ZNF490: variants seen among roughly 807,000 people sequenced by gnomAD.
ZNF490 encodes zinc finger protein 490.
ZNF490 carries 11 observed loss-of-function variants against 17.7 expected under a neutral mutation model. The observed-to-expected ratio is 0.62, with a 90% CI of 0.39 to 1.03. The LOEUF (loss-of-function observed/expected upper bound fraction) is 1.03. Ranked by LOEUF, ZNF490 falls within the 50% of genes least tolerant of loss-of-function variation. ZNF490 has a pLI of 0.00. For missense variants in ZNF490, 542 were observed against 643.4 expected, an observed-to-expected ratio of 0.84 and a Z score of 1.71; for synonymous variants, 222 against 216.1, an observed-to-expected ratio of 1.03 and a Z score of -0.24.
chr19:12,592,791 G>C (rs1458197595), intron 2 of ZNF490, among the ~76,000 whole-genome samples: 1 of 152,218 alleles, frequency 6.6e-6, no homozygotes, highest in East Asian at 1.9e-4. Flanking sequence ...GATAAACTAT[G>C]TGGAGGCAGA....
intron 2 of ZNF490, among the ~76,000 whole-genome samples, chr19:12,607,778 G>A (rs940142859): frequency 9.9e-5 from 15 of 151,660 alleles, no homozygotes; most frequent in African/African-American, 3.6e-4. Flanking sequence ...CATAGCATCT[G>A]CAGACAGAGA....
At position 12,609,560 on chromosome 19, in the gene ZNF490, A is replaced by T. The variant is rs187060416; in HGVS notation, c.118-358T>A. ...CACCATACCCAGCTAATTTTTAAAA[A>T]TTTTTTGAGAAATGGGGTCTCGCTA... On this transcript the variant is annotated intron_variant, in intron 1 of 4. Transcript: ENST00000311437. 3.3e-5 allele frequency among the ~76,000 whole-genome samples: 5 copies of T among 152,138 alleles called. No homozygotes were observed. In the East Asian group the frequency reaches 5.8e-4, roughly 18 times the overall value.
intron 2 of ZNF490, among the ~76,000 whole-genome samples, chr19:12,594,564 G>T (rs528505958): frequency 6.6e-6 from 1 of 152,092 alleles, no homozygotes; most frequent in Non-Finnish European, 1.5e-5. Context: ...ACAGTGTCTA[G>T]AGCCTCTGTG....
At position 12,581,265 on chromosome 19, in the gene ZNF490, T is replaced by G. The variant is rs1271456779; in HGVS notation, c.810A>C (p.Lys270Asn). The change falls in exon 5 of 5, where the codon AAA (lysine) becomes AAC (asparagine). Residue 270 changes from lysine to asparagine, a missense_variant. Lys to Asn is a moderately conservative substitution (Grantham distance 94). Coordinates refer to ENST00000311437, the MANE Select transcript of ZNF490 (RefSeq NM_020714.3). ...TGTAGGGTTTCTCTCCAGTGTGATT[T>G]TTTTCATGGCGCCGAAGAGCAGTGA... ...RYLTALRRHE[K>N]NHTGEKPYKC... 1 of 1,614,176 alleles carries G rather than the reference T, an allele frequency of 6.2e-7. No homozygotes were observed. The highest frequency in any genetic ancestry group is 1.1e-5 in the South Asian group (1 of 91,088).
In ZNF490 at chr19:12,576,718, G is replaced by A. The variant is rs1247745005; in HGVS notation, c.*3767C>T. ...TATAGTCCCAGCTACTCAGGAGGCT[G>A]AGGCAGGAGAATTGCTTGAACCTGA... On this transcript the variant is annotated 3_prime_UTR_variant, in exon 5 of 5. Coordinates refer to ENST00000311437, the MANE Select transcript of ZNF490 (RefSeq NM_020714.3). Among the ~76,000 whole-genome samples the A allele has an allele frequency of 6.7e-6, 1 of 149,818 alleles. No homozygotes were observed. Among genetic ancestry groups the A allele is most frequent in the African/African-American group, 2.5e-5 (1 of 40,416 alleles).
In ZNF490 at chr19:12,579,090, A is replaced by G. The variant is rs2022685012; in HGVS notation, c.*1395T>C. The G allele has an allele frequency of 3.7e-6, 1 of 270,334 alleles. No individual in the cohort carries two copies. The highest frequency in any genetic ancestry group is 5.7e-6 in the Non-Finnish European group (1 of 176,394). 16.7% of individuals were successfully genotyped at this position (270,334 alleles called of 1,614,324 possible). A position where few individuals can be genotyped will look rare whatever the true frequency, so the allele number is the denominator to read the frequency against. The stretch of plus-strand genomic sequence containing the variant: ...AACACGGTGAAACCCCGTCTCCACT[A>G]AAAATACAAAAAATGAGCCGGGCGT... On this transcript the variant is annotated 3_prime_UTR_variant, in exon 5 of 5. Coordinates refer to ENST00000311437, the MANE Select transcript of ZNF490 (RefSeq NM_020714.3).
intron 2 of ZNF490, among the ~76,000 whole-genome samples, chr19:12,599,414 T>C (rs1376494457): frequency 1.3e-5 from 2 of 152,106 alleles, no homozygotes; most frequent in African/African-American, 2.4e-5. Context: ...AGAAATGTTG[T>C]AGAATTTAAA....
chr19:12,606,343 C>CTT (rs35743660), intron 2 of ZNF490, among the ~76,000 whole-genome samples: 18 of 121,666 alleles, frequency 1.5e-4, no homozygotes, highest in South Asian at 5.4e-4. Context: ...CTGGGTAATT[C>CTT]TTTTTTTTTT....
chr19:12,604,142 C>A (rs1176170146), intron 2 of ZNF490, among the ~76,000 whole-genome samples: 4 of 152,188 alleles, frequency 2.6e-5, no homozygotes, highest in South Asian at 4.1e-4. Context: ...GCTCAGAGAG[C>A]CTTCTGGTTG....
chr19:12,609,594 AG>A (rs1359301306), intron 1 of ZNF490, among the ~76,000 whole-genome samples: 1 of 152,132 alleles, frequency 6.6e-6, no homozygotes. Flanking sequence ...TATGTTGCCC[AG>A]GCTGGTTTTG....
chr19:12,581,381 C>T lies in ZNF490; in HGVS notation c.694G>A (p.Ala232Thr), dbSNP rs143244240. Residue 232 changes from alanine (A) to threonine (T), a missense_variant, in exon 5 of 5, where the codon GCA becomes ACA. By Grantham distance (58) the Ala-to-Thr change is moderately conservative. Transcript: ENST00000311437. Reference sequence around the variant, plus strand: ...TGGTTTCGAAAGGAAAAGAGAAATGCGAAGGCTTTGCCACATTCCTTACAT... The same window carrying T: ...TGGTTTCGAAAGGAAAAGAGAAATGTGAAGGCTTTGCCACATTCCTTACAT... ...YECKECGKAF[A>T]FLFSFRNHIR... 9.5e-5 allele frequency: 153 copies of T among 1,612,502 alleles called. No individual in the cohort carries two copies. The highest frequency in any genetic ancestry group is 4.9e-4 in the East Asian group (22 of 44,820).
intron 2 of ZNF490, among the ~76,000 whole-genome samples, chr19:12,596,926 G>A (rs1024645385): frequency 6.6e-6 from 1 of 152,178 alleles, no homozygotes; most frequent in Non-Finnish European, 1.5e-5. Context: ...CACAATCTTC[G>A]GAGACGCGGG....
At chr19:12,601,111 A>G (rs1299798271) in intron 2 of ZNF490, among the ~76,000 whole-genome samples, 1 of 151,656 alleles carries the variant, frequency 6.6e-6, no homozygotes, top group Non-Finnish European at 1.5e-5. Context: ...AAAAAAGGCC[A>G]GGTGCGTTGG....
rs183245888 is a variant in ZNF490, at chr19:12,577,914, G to T, written c.*2571C>A. The T allele has an allele frequency of 2.2e-5, 22 of 985,414 alleles. No individual in the cohort carries two copies. The East Asian group carries it at 2.5e-3, about 112-fold the overall frequency. 61.0% of individuals were successfully genotyped at this position (985,414 alleles called of 1,614,324 possible). On this transcript the variant is annotated 3_prime_UTR_variant, in exon 5 of 5. Coordinates refer to ENST00000311437, the MANE Select transcript of ZNF490 (RefSeq NM_020714.3). The stretch of plus-strand genomic sequence containing the variant: ...ACTGACTCCAACAAAGGACAGACCC[G>T]ACCCCTATCGTGCCTATGCAATTCA...
At chr19:12,584,096 C>T (rs1177826248) in intron 2 of ZNF490, among the ~76,000 whole-genome samples, 1 of 96,974 alleles carries the variant, frequency 1.0e-5, no homozygotes, top group Non-Finnish European at 2.7e-5. Flanking sequence ...AGGCGTGAGC[C>T]ACCGCACCCT....
chr19:12,578,334 G>A lies in ZNF490; in HGVS notation c.*2151C>T. 2.0e-6 allele frequency: 2 copies of A among 985,660 alleles called. No individual in the cohort carries two copies. Among genetic ancestry groups the A allele is most frequent in the Non-Finnish European group, 2.4e-6 (2 of 830,060 alleles). 61.1% of individuals were successfully genotyped at this position (985,660 alleles called of 1,614,324 possible). A position where few individuals can be genotyped will look rare whatever the true frequency, so the allele number is the denominator to read the frequency against. ...TCTGTGACTCCACTAGCAGTTTTGA[G>A]ATTATTCTGACTGTGGTGGTTGGTG... On this transcript the variant is annotated 3_prime_UTR_variant, in exon 5 of 5. Coordinates refer to ENST00000311437, the MANE Select transcript of ZNF490 (RefSeq NM_020714.3).
rs1401986879 is a variant in ZNF490, at chr19:12,581,741, C to T, written c.351-17G>A. The T allele has an allele frequency of 1.3e-6, 2 of 1,558,826 alleles. No homozygotes were observed. The highest frequency in any genetic ancestry group is 2.8e-5 in the African/African-American group (2 of 72,378). ...ATAGGACTTCTGTAAAGAATGAGTA[C>T]CGTATTATTAATAGTTTTGTATTAA... On this transcript the variant is annotated splice_polypyrimidine_tract_variant and intron_variant, in intron 4 of 4. Transcript: ENST00000311437.
chr19:12,609,175 T>C lies in ZNF490; in HGVS notation c.145A>G (p.Ser49Gly), dbSNP rs200273367. ...TCACTTACAGTTTGAGTCTTGATGC[T>C]TTGTCCATGGTGTTCACTGTTCTGC... Reference protein sequence around the residue: ...QMQNSEHHGQSIKTQTDSISL... With the variant: ...QMQNSEHHGQGIKTQTDSISL... The change falls in exon 2 of 5, where the codon AGC becomes GGC. Residue 49 changes from serine to glycine, a missense_variant. Transcript: ENST00000311437. 126 of 1,614,138 alleles carry C rather than the reference T, an allele frequency of 7.8e-5. No individual in the cohort carries two copies. Among genetic ancestry groups the C allele is most frequent in the Non-Finnish European group, 1.0e-4 (118 of 1,180,016 alleles).
rs940438444 is a variant in ZNF490 at position 12,576,835 on chromosome 19, A to C, written c.*3650T>G. On this transcript the variant is annotated 3_prime_UTR_variant, in exon 5 of 5. Coordinates refer to ENST00000311437, the MANE Select transcript of ZNF490 (RefSeq NM_020714.3). ...TCTCAAAAAAAAAAAAAAAAAAAAAAACCTAAAAGCATTCCATATTTAAAA... is the reference window on the plus strand; with the variant it reads ...TCTCAAAAAAAAAAAAAAAAAAAAACACCTAAAAGCATTCCATATTTAAAA... Among the ~76,000 whole-genome samples, 3 of 150,984 alleles carry C rather than the reference A, an allele frequency of 2.0e-5. No individual in the cohort carries two copies. Among genetic ancestry groups the C allele is most frequent in the Non-Finnish European group, 4.4e-5 (3 of 67,794 alleles).
Sources: gnomAD v4.1 joint callset for allele counts (sites outside exome capture counted in the v4.1 genomes callset) on GRCh38, gnomAD v4.1.1 for gene constraint, MANE v1.5 for transcripts, NCBI Gene and HGNC (gene_info 2026-07-23, HGNC 2026-07-21) for gene names.